Variants in C19orf38 observed in about 807,000 individuals in gnomAD.
C19orf38 encodes chromosome 19 open reading frame 38.
Under a neutral mutation model 26.6 loss-of-function variants are expected in C19orf38, and 14 were observed. The observed-to-expected ratio is 0.53, with a 90% confidence interval of 0.35 to 0.82. The LOEUF is 0.82. C19orf38 is among the 40% of genes least tolerant of loss of function. The pLI is 0.01. For synonymous variants in C19orf38, 132 were observed against 128.5 expected, an observed-to-expected ratio of 1.03 and a Z score of -0.18; for missense variants, 261 against 299.5, an observed-to-expected ratio of 0.87 and a Z score of 0.95.
At chr19:10,840,663 C>T (rs555255979) in intron 1 of C19orf38, among the ~76,000 whole-genome samples, 2 of 152,294 alleles carry the variant, frequency 1.3e-5, no homozygotes, top group South Asian at 4.1e-4. Context: ...GGACTATGGG[C>T]GCATGCCACC....
chr19:10,848,558 TCTCAGATCCCCCA>T lies in C19orf38; in HGVS notation c.31+21_31+33del, dbSNP rs1409103540. ...GCAGCTGGTGAGTCTGAAGCCCCCC[TCTCAGATCCCCCA>T]CGCCTTTCCCCCCATCCTCTGTCCA... On this transcript the variant is annotated intron_variant, in intron 1 of 6. Coordinates refer to ENST00000397820, the MANE Select transcript of C19orf38 (RefSeq NM_001136482.3). The T allele has an allele frequency of 7.3e-7, 1 of 1,372,584 alleles. No individual in the cohort carries two copies. The highest frequency in any genetic ancestry group is 2.0e-4 in the Middle Eastern group (1 of 5,084). 85.0% of individuals were successfully genotyped at this position (1,372,584 alleles called of 1,614,324 possible).
rs144320047 is a variant in C19orf38, at chr19:10,856,410, C to T, written c.433+53C>T. 626 of 1,432,554 alleles carry T rather than the reference C, an allele frequency of 4.4e-4. 4 individuals are homozygous for T. In the African/African-American group the frequency reaches 7.8e-3, roughly 18 times the overall value. 88.7% of individuals were successfully genotyped at this position (1,432,554 alleles called of 1,614,324 possible). A position where few individuals can be genotyped will look rare whatever the true frequency, so the allele number is the denominator to read the frequency against. On this transcript the variant is annotated intron_variant, in intron 3 of 6. Transcript: ENST00000397820. ...AGTTGCCAGTTGACAACTTCTGGAA[C>T]GTGAAGATGTGCTTACACTCACAAC...
chr19:10,866,803 G>A (rs1461207951), intron 6 of C19orf38, among the ~76,000 whole-genome samples: 2 of 151,778 alleles, frequency 1.3e-5, no homozygotes, highest in Non-Finnish European at 2.9e-5. Context: ...ACCACACCTA[G>A]CTAATGTTTG....
chr19:10,859,338 GTGTGTGTGTGTATATATATATATATATA>G (rs2073667708), intron 4 of C19orf38, among the ~76,000 whole-genome samples: 2 of 55,630 alleles, frequency 3.6e-5, no homozygotes, highest in Non-Finnish European at 6.6e-5. Flanking sequence ...GTATGTGTGT[GTGTGTGTGTGTATATATATATATATATA>G]TATATATATA....
intron 6 of C19orf38, among the ~76,000 whole-genome samples, chr19:10,868,380 G>C (rs917946883): frequency 3.3e-5 from 5 of 152,226 alleles, no homozygotes; most frequent in African/African-American, 9.6e-5. Context: ...AGTGGCTTTA[G>C]TTCTAGCAAA....
At chr19:10,841,809 C>T in intron 1 of C19orf38, 1 of 1,198,746 alleles carries the variant, frequency 8.3e-7, no homozygotes, top group Non-Finnish European at 1.2e-6. Context: ...CCCATCTCCA[C>T]AAAAACATTT....
rs1478726236 is a variant in C19orf38, at chr19:10,848,425, C to T, written c.-84C>T. ...GAATCAGCCCTGGTTCTCCTTTCCC[C>T]GATCTGGCCTCACAGGAGGAGTTGG... On this transcript the variant is annotated 5_prime_UTR_variant, in exon 1 of 7. Transcript: ENST00000397820. 3.5e-6 allele frequency: 5 copies of T among 1,430,046 alleles called. No individual in the cohort carries two copies. In the South Asian group the frequency reaches 3.7e-5, roughly 11 times the overall value. 88.6% of individuals were successfully genotyped at this position (1,430,046 alleles called of 1,614,324 possible).
At chr19:10,859,242 A>ATGTGTG (rs2073663477) in intron 4 of C19orf38, among the ~76,000 whole-genome samples, 1 of 99,320 alleles carries the variant, frequency 1.0e-5, no homozygotes, top group South Asian at 3.7e-4. Flanking sequence ...TGGCTTTTAT[A>ATGTGTG]TATGTGTGTG....
At chr19:10,859,986 G>GT in intron 5 of C19orf38, 28 bp downstream of exon 5, 1 of 1,543,748 alleles carries the variant, frequency 6.5e-7, no homozygotes, top group Non-Finnish European at 8.8e-7. Flanking sequence ...CCTGACTCCA[G>GT]TGGGGAAAGG....
At position 10,869,715 on chromosome 19, in the gene C19orf38, A is replaced by G; in HGVS notation, c.*348A>G. ...CCTTCCCCAGTGGGTTTTTGAGCATAGGGTGCCCTTGGGTGTGTTGTGTGT... is the reference window on the plus strand; with the variant it reads ...CCTTCCCCAGTGGGTTTTTGAGCATGGGGTGCCCTTGGGTGTGTTGTGTGT... On this transcript the variant is annotated 3_prime_UTR_variant, in exon 7 of 7. Coordinates refer to ENST00000397820, the MANE Select transcript of C19orf38 (RefSeq NM_001136482.3). The G allele has an allele frequency of 3.9e-6, 1 of 258,698 alleles. No individual in the cohort carries two copies. 16.0% of individuals were successfully genotyped at this position (258,698 alleles called of 1,614,324 possible). A position where few individuals can be genotyped will look rare whatever the true frequency, so the allele number is the denominator to read the frequency against.
chr19:10,859,989 G>C lies in C19orf38; in HGVS notation c.505+31G>C, dbSNP rs1353975153. 5.2e-6 allele frequency: 8 copies of C among 1,541,956 alleles called. No homozygotes were observed. In the Admixed American group the frequency reaches 1.6e-4, roughly 30 times the overall value. ...TGCCTCCACACTCCTGACTCCAGTGGGGAAAGGATTACACCTCCAAATGCC... is the reference window on the plus strand; with the variant it reads ...TGCCTCCACACTCCTGACTCCAGTGCGGAAAGGATTACACCTCCAAATGCC... On this transcript the variant is annotated intron_variant, in intron 5 of 6. Coordinates refer to ENST00000397820, the MANE Select transcript of C19orf38 (RefSeq NM_001136482.3).
At chr19:10,847,314 C>G (rs1233303568), upstream of C19orf38, among the ~76,000 whole-genome samples, 2 of 151,930 alleles carry the variant, frequency 1.3e-5, no homozygotes, top group African/African-American at 2.4e-5. Context: ...GCATGCACTA[C>G]CCACTAGGCG....
upstream of C19orf38, among the ~76,000 whole-genome samples, chr19:10,845,512 A>G (rs1314505275): frequency 2.0e-5 from 3 of 152,206 alleles, no homozygotes; most frequent in Non-Finnish European, 2.9e-5. Flanking sequence ...ATGACGCTCA[A>G]TATATGAAAA....
upstream of C19orf38, among the ~76,000 whole-genome samples, chr19:10,847,859 C>T (rs972214474): frequency 6.6e-6 from 1 of 152,154 alleles, no homozygotes; most frequent in African/African-American, 2.4e-5. Flanking sequence ...AAACATCCCA[C>T]TGCTGTCACC....
intron 1 of C19orf38, chr19:10,842,288 T>A (rs1256191097): frequency 6.9e-6 from 6 of 871,744 alleles, no homozygotes; most frequent in Non-Finnish European, 1.1e-5. Flanking sequence ...TGAGACGGAG[T>A]CTCACTCTGT....
intron 2 of C19orf38, among the ~76,000 whole-genome samples, chr19:10,852,083 C>T (rs534441069): frequency 6.6e-4 from 100 of 151,488 alleles, no homozygotes; most frequent in Admixed American, 3.5e-3. Flanking sequence ...ATCTGGGAGG[C>T]GGAGGTTACA....
intron 2 of C19orf38, among the ~76,000 whole-genome samples, chr19:10,852,287 C>T (rs2073580996): frequency 6.6e-6 from 1 of 152,148 alleles, no homozygotes; most frequent in African/African-American, 2.4e-5. Context: ...GGTTTCTGAG[C>T]ACTTACTATG....
At chr19:10,852,473 A>G (rs961228950) in intron 2 of C19orf38, among the ~76,000 whole-genome samples, 1 of 152,242 alleles carries the variant, frequency 6.6e-6, no homozygotes, top group Non-Finnish European at 1.5e-5. Flanking sequence ...GACTGGCCCC[A>G]TGTTCTAATG....
chr19:10,863,284 CA>C, intron 6 of C19orf38, 77 bp downstream of exon 6: 1 of 1,469,212 alleles, frequency 6.8e-7, no homozygotes, highest in Non-Finnish European at 9.3e-7. Context: ...CAAGGGGCAC[CA>C]CGAGGCTAAG....
Sources: gnomAD v4.1 joint callset for allele counts (sites outside exome capture counted in the v4.1 genomes callset) on GRCh38, gnomAD v4.1.1 for gene constraint, MANE v1.5 for transcripts, NCBI Gene and HGNC (gene_info 2026-07-23, HGNC 2026-07-21) for gene names.